The following AKR1B15 variants were observed in gnomAD, a reference collection of about 807,000 sequenced individuals.
AKR1B15 encodes the protein aldo-keto reductase family 1 member B15, also known as estradiol 17-beta-dehydrogenase AKR1B15.
In AKR1B15, 49 loss-of-function variants were observed where a neutral mutation model predicts 38.5. That is an observed-to-expected ratio of 1.27 (90% CI 1.01 to 1.62). The LOEUF (loss-of-function observed/expected upper bound fraction) is 1.62, where lower values mean the gene tolerates loss of function less well. Among genes scored for constraint, AKR1B15 ranks in the 40% most tolerant of loss-of-function variants. The pLI, the probability that AKR1B15 is intolerant of heterozygous loss-of-function variation, is 0.00. For synonymous variants in AKR1B15, 137 were observed against 135.5 expected (o/e 1.01, Z -0.08); for missense variants, 411 against 381.6 (o/e 1.08, Z -0.64).
intron 9 of AKR1B15, 107 bp from the exon 10 acceptor site, chr7:134,576,856 A>G: frequency 1.9e-6 from 2 of 1,060,920 alleles, no homozygotes; most frequent in Admixed American, 1.8e-5. Flanking sequence ...ATTATTAGCG[A>G]TTGTACCTGA....
intron 2 of AKR1B15, among the ~76,000 whole-genome samples, chr7:134,562,851 T>G (rs1354433962): frequency 8.0e-4 from 86 of 107,664 alleles, no homozygotes; most frequent in Admixed American, 2.3e-3. Flanking sequence ...TCTTTCTTTC[T>G]TTCTTTCTTT....
Position 134,564,802 on chromosome 7 carries a change from C to A in AKR1B15, c.150+33C>A, listed in dbSNP as rs1386381552. On this transcript the variant is annotated intron_variant, in intron 3 of 11. Transcript: ENST00000457545. ...GCTAGAGAGGTCATCACCCAATTCC[C>A]AACAGCAGTTGTGGTGTCCTGTTTA... 4.8e-6 allele frequency: 3 copies of A among 628,642 alleles called. No individual in the cohort carries two copies. The East Asian group carries it at 8.5e-5, about 18-fold the overall frequency. 38.9% of individuals were successfully genotyped at this position (628,642 alleles called of 1,614,324 possible).
chr7:134,549,716 G>A lies in AKR1B15; in HGVS notation c.-147+467G>A, dbSNP rs986486882. Among the ~76,000 whole-genome samples, 3 of 152,154 alleles carry A rather than the reference G, an allele frequency of 2.0e-5. No homozygotes were observed. The East Asian group carries it at 5.8e-4, about 29-fold the overall frequency. ...GGAGCAGCCAGGAGGGCATCTGACT[G>A]ATCCCATCACGGGACCCCCTCCCCT... On this transcript the variant is annotated intron_variant, in intron 1 of 11. Transcript: ENST00000457545.
At chr7:134,573,383 A>G in intron 6 of AKR1B15, 9 of 985,402 alleles carry the variant, frequency 9.1e-6, no homozygotes, top group Non-Finnish European at 1.1e-5. Flanking sequence ...GATGATATGA[A>G]GTATGGCAAG....
rs533859421 is a variant in AKR1B15 at position 134,577,586 on chromosome 7, C to T, written c.910-118C>T. On this transcript the variant is annotated intron_variant, in intron 10 of 11. Transcript: ENST00000457545. ...TATCCCTTGGACAGAATGGGAAAAACTCCTATGGCCAGTTTGTGCTGTGAA... is the reference window on the plus strand; with the variant it reads ...TATCCCTTGGACAGAATGGGAAAAATTCCTATGGCCAGTTTGTGCTGTGAA... The T allele has an allele frequency of 7.3e-5, 87 of 1,185,452 alleles. 1 individual carries two copies. The South Asian group carries it at 8.0e-4, about 11-fold the overall frequency. The allele number at this position is 1,185,452 out of a possible 1,614,324, so 73.4% of individuals were successfully genotyped here.
At chr7:134,576,030 T>C in intron 8 of AKR1B15, 103 bp downstream of exon 8, 1 of 1,507,558 alleles carries the variant, frequency 6.6e-7, no homozygotes, top group Non-Finnish European at 8.9e-7. Flanking sequence ...GAAAGAAAAA[T>C]GTGTGTAAGG....
chr7:134,559,725 AG>A (rs927847259), intron 2 of AKR1B15, among the ~76,000 whole-genome samples: 3 of 152,224 alleles, frequency 2.0e-5, no homozygotes, highest in African/African-American at 7.2e-5. Flanking sequence ...AGTTTCTTAA[AG>A]GTGCAAAACC....
chr7:134,565,480 C>A (rs1157347162), intron 3 of AKR1B15: 1 of 1,613,482 alleles, frequency 6.2e-7, no homozygotes, highest in Non-Finnish European at 8.5e-7. Context: ...CCGCACCAAC[C>A]ATGGCCACGT....
intron 3 of AKR1B15, among the ~76,000 whole-genome samples, chr7:134,567,887 C>T (rs17775910): frequency 0.42 from 63,385 of 151,900 alleles, 13,600 homozygotes; most frequent in Non-Finnish European, 0.45. Flanking sequence ...CTTTTGAAAA[C>T]TTTTCTAAAC....
At chr7:134,558,277 A>C (rs1332321238) in intron 2 of AKR1B15, among the ~76,000 whole-genome samples, 2 of 152,250 alleles carry the variant, frequency 1.3e-5, no homozygotes, top group African/African-American at 2.4e-5. Context: ...GACCATTTCA[A>C]AGTGTTCAGA....
intron 10 of AKR1B15, 135 bp downstream of exon 10, chr7:134,577,181 C>A: frequency 2.1e-6 from 2 of 947,682 alleles, no homozygotes; most frequent in Non-Finnish European, 3.2e-6. Flanking sequence ...ATTTTCCAGC[C>A]CAGGGAGCTA....
At chr7:134,573,443 T>C (rs1794704838) in intron 6 of AKR1B15, 1 of 985,350 alleles carries the variant, frequency 1.0e-6, no homozygotes, top group Non-Finnish European at 1.2e-6. Context: ...TTAATGAACA[T>C]GAGGATGACT....
chr7:134,569,613 C>T, intron 5 of AKR1B15, 84 bp downstream of exon 5: 13 of 1,373,310 alleles, frequency 9.5e-6, no homozygotes, highest in Non-Finnish European at 1.2e-5. Flanking sequence ...CTGGCTGAAG[C>T]CATGGCAGAA....
At chr7:134,567,001 G>A (rs993353485) in intron 3 of AKR1B15, among the ~76,000 whole-genome samples, 17 of 152,214 alleles carry the variant, frequency 1.1e-4, no homozygotes, top group Admixed American at 3.3e-4. Context: ...TAAGAATTAT[G>A]AAGGGAGCTG....
chr7:134,565,263 G>A (rs1794506625), intron 3 of AKR1B15: 4 of 672,770 alleles, frequency 5.9e-6, no homozygotes, highest in Non-Finnish European at 9.5e-6. Context: ...CTTGAAGTCA[G>A]CGACACCACA....
At chr7:134,549,769 G>T (rs944582001) in intron 1 of AKR1B15, among the ~76,000 whole-genome samples, 1 of 152,188 alleles carries the variant, frequency 6.6e-6, no homozygotes, top group Non-Finnish European at 1.5e-5. Context: ...TGCCATGCTT[G>T]TTTATATACC....
chr7:134,570,748 T>C (rs1302608110), intron 5 of AKR1B15, among the ~76,000 whole-genome samples: 2 of 152,068 alleles, frequency 1.3e-5, no homozygotes, highest in African/African-American at 4.8e-5. Context: ...TGGCAGGTGG[T>C]CAGGAAGAGA....
chr7:134,568,159 C>T lies in AKR1B15; in HGVS notation c.152C>T (p.Ser51Phe), dbSNP rs779362790. ...AGPLLRPYPA[S>F]LLGKVKEAVK... ...ATGGGCTTTTCTTTTGCTTTTCAGT[C>T]TCTTCTCGGCAAAGTGAAAGAAGCG... Residue 51 changes from serine (S) to phenylalanine (F), a missense_variant and splice_region_variant, in exon 4 of 12, where the codon TCT (serine) becomes TTT (phenylalanine). This residue lies in a region of AKR1B15 where 254 missense variants were observed against 212.4 expected (regional missense o/e 1.20). Coordinates refer to ENST00000457545, the MANE Select transcript of AKR1B15 (RefSeq NM_001080538.3). 5.0e-6 allele frequency: 8 copies of T among 1,613,806 alleles called. No individual in the cohort carries two copies. The highest frequency in any genetic ancestry group is 6.8e-6 in the Non-Finnish European group (8 of 1,179,962).
At chr7:134,575,246 T>C (rs1444296139) in intron 6 of AKR1B15, among the ~76,000 whole-genome samples, 174 bp from the exon 7 acceptor site, 1 of 152,220 alleles carries the variant, frequency 6.6e-6, no homozygotes, top group East Asian at 1.9e-4. Context: ...GCAGTAGGGC[T>C]GGAACCAATC....
Sources: gnomAD v4.1 joint callset for allele counts (sites outside exome capture counted in the v4.1 genomes callset) on GRCh38, gnomAD v4.1.1 for gene constraint, gnomAD v4.1.1 regional missense constraint, MANE v1.5 for transcripts, NCBI Gene and HGNC (gene_info 2026-07-23, HGNC 2026-07-21) for gene names.